The following UBAP2L variants were observed in gnomAD, a reference collection of about 807,000 sequenced individuals.
UBAP2L encodes ubiquitin-associated protein 2-like.
A neutral mutation model predicts 130.6 loss-of-function variants in UBAP2L; 12 were observed. The observed-to-expected ratio is 0.09, with a 90% CI of 0.06 to 0.15. UBAP2L has a LOEUF of 0.15. Ranked by LOEUF, UBAP2L falls within the 10% of genes least tolerant of loss-of-function variation. The probability of loss-of-function intolerance (pLI) is 1.00; values close to 1 mark genes in which losing one functional copy is unlikely to be tolerated. For missense variants in UBAP2L, 965 were observed against 1,332.5 expected, an observed-to-expected ratio of 0.72 and a Z score of 4.29; for synonymous variants, 503 against 524.7, an observed-to-expected ratio of 0.96 and a Z score of 0.57.
At chr1:154,249,163 C>A in intron 11 of UBAP2L, 76 bp from the exon 12 acceptor site, 1 of 1,441,222 alleles carries the variant, frequency 6.9e-7, no homozygotes, top group Non-Finnish European at 9.7e-7. Flanking sequence ...GGCTCTCGGT[C>A]TGGATAAGTG....
At chr1:154,242,588 C>A (rs567962977) in intron 9 of UBAP2L, among the ~76,000 whole-genome samples, 13 of 152,144 alleles carry the variant, frequency 8.5e-5, no homozygotes, top group Non-Finnish European at 1.6e-4. Context: ...AAAACTGAAA[C>A]CCAAATCAAC....
chr1:154,264,870 T>TA (rs1457770798), intron 24 of UBAP2L, among the ~76,000 whole-genome samples: 6 of 152,352 alleles, frequency 3.9e-5, no homozygotes, highest in East Asian at 3.9e-4. Flanking sequence ...CACATGAACT[T>TA]ACTAGCTTAA....
At chr1:154,259,149 A>G in intron 21 of UBAP2L, 119 bp downstream of exon 21, 1 of 888,386 alleles carries the variant, frequency 1.1e-6, no homozygotes. Context: ...CTCTGATTTA[A>G]GGCATATTAG....
intron 11 of UBAP2L, among the ~76,000 whole-genome samples, chr1:154,247,055 A>G (rs1675771558): frequency 6.6e-6 from 1 of 152,218 alleles, no homozygotes; most frequent in African/African-American, 2.4e-5. Context: ...TACAAGTACC[A>G]GTTTTCTCAT....
At chr1:154,250,530 G>A (rs1677216159) in intron 12 of UBAP2L, among the ~76,000 whole-genome samples, 2 of 152,100 alleles carry the variant, frequency 1.3e-5, no homozygotes, top group South Asian at 4.1e-4. Context: ...ACACAGACAG[G>A]GTAATGTTGA....
At chr1:154,259,898 T>TG in intron 21 of UBAP2L, 50 bp from the exon 22 acceptor site, 2 of 1,537,154 alleles carry the variant, frequency 1.3e-6, no homozygotes, top group Non-Finnish European at 1.8e-6. Context: ...GTACTCATGC[T>TG]GGGGAATGAG....
Position 154,251,068 on chromosome 1 carries a change from T to G in UBAP2L, c.1241T>G (p.Val414Gly). ...YDLKNPSDSAVHSPFTKRQAF... is the reference protein window; with the variant it reads ...YDLKNPSDSAGHSPFTKRQAF... ...TTGAAGAACCCAAGTGATTCAGCAGTGCACAGCCCCTTTACAAAGCGCCAG... is the reference window on the plus strand; with the variant it reads ...TTGAAGAACCCAAGTGATTCAGCAGGGCACAGCCCCTTTACAAAGCGCCAG... The change falls in exon 13 of 27, where the codon GTG becomes GGG. Residue 414 changes from valine to glycine, a missense_variant. This residue lies in a region of UBAP2L where 74 missense variants were observed against 97.1 expected (regional missense o/e 0.76). Transcript: ENST00000428931. 2 of 1,613,494 alleles carry G rather than the reference T, an allele frequency of 1.2e-6. No individual in the cohort carries two copies. Among genetic ancestry groups the G allele is most frequent in the Non-Finnish European group, 1.7e-6 (2 of 1,179,572 alleles).
At chr1:154,231,048 T>A (rs987737548) in intron 4 of UBAP2L, among the ~76,000 whole-genome samples, 2 of 152,208 alleles carry the variant, frequency 1.3e-5, no homozygotes, top group African/African-American at 4.8e-5. Flanking sequence ...GAGCATAAAA[T>A]GACCCACTAA....
rs768768592 is a variant in UBAP2L, at chr1:154,246,252, T to C, written c.891T>C (p.Asn297=). ...LLGKTPSTME[N]DSSNLDPSQA... is the part of the protein sequence containing the mutation. The stretch of plus-strand genomic sequence containing the variant: ...GGAAGACACCATCTACAATGGAGAA[T>C]GATTCATCTAATCTGGATCCGTCTC... Residue 297 remains asparagine (N), a synonymous_variant, in exon 11 of 27, where the codon AAT becomes AAC. Transcript: ENST00000428931. 6.2e-7 allele frequency: 1 copy of C among 1,613,776 alleles called. No individual in the cohort carries two copies. Among genetic ancestry groups the C allele is most frequent in the Admixed American group, 1.7e-5 (1 of 60,010 alleles).
chr1:154,232,196 G>A (rs1001570135), intron 4 of UBAP2L, among the ~76,000 whole-genome samples: 13 of 152,098 alleles, frequency 8.5e-5, no homozygotes, highest in South Asian at 2.1e-4. Flanking sequence ...GCCTGGTGGT[G>A]CCCTGTAGTC....
rs1679942226 is a variant in UBAP2L, at chr1:154,257,130, C to T, written c.2225C>T (p.Thr742Ile). The T allele has an allele frequency of 3.1e-6, 5 of 1,614,188 alleles. No individual in the cohort carries two copies. The highest frequency in any genetic ancestry group is 8.5e-7 in the Non-Finnish European group (1 of 1,180,038). The change falls in exon 19 of 27, where the codon ACA (threonine) becomes ATA (isoleucine). Residue 742 changes from threonine (T) to isoleucine (I), a missense_variant. Coordinates refer to ENST00000428931, the MANE Select transcript of UBAP2L (RefSeq NM_014847.4). The stretch of plus-strand genomic sequence containing the variant: ...AGCACTTTTTCCACCACATCCAGCA[C>T]AGTCTCTGCACCTCCCCCAGTGGTC... ...SSSTFSTTSS[T>I]VSAPPPVVSV... is the part of the protein sequence containing the mutation.
Position 154,228,735 on chromosome 1 carries a change from T to A in UBAP2L, c.279+10T>A, listed in dbSNP as rs779039532. On this transcript the variant is annotated intron_variant, in intron 4 of 26. Coordinates refer to ENST00000428931, the MANE Select transcript of UBAP2L (RefSeq NM_014847.4). ...AGGAAACCCAGACACGGTAGAGTGC[T>A]TATAGAGTGTTCTAGGACATGGGTC... 2.5e-6 allele frequency: 4 copies of A among 1,599,734 alleles called. No individual in the cohort carries two copies. Among genetic ancestry groups the A allele is most frequent in the Non-Finnish European group, 3.4e-6 (4 of 1,172,540 alleles).
chr1:154,266,398 T>G lies in UBAP2L; in HGVS notation c.2903-103T>G. 4 of 1,253,850 alleles carry G rather than the reference T, an allele frequency of 3.2e-6. No homozygotes were observed. The Middle Eastern group carries it at 5.7e-4, about 177-fold the overall frequency. 77.7% of individuals were successfully genotyped at this position (1,253,850 alleles called of 1,614,324 possible). ...GCTGGAAAACCGACCAAAATTCCCT[T>G]GCATTGGTATAGCTAGAAAGGCTAC... On this transcript the variant is annotated intron_variant, in intron 24 of 26. Coordinates refer to ENST00000428931, the MANE Select transcript of UBAP2L (RefSeq NM_014847.4).
At chr1:154,220,378 C>G, upstream of UBAP2L, 1 of 1,614,234 alleles carries the variant, frequency 6.2e-7, no homozygotes, top group Non-Finnish European at 8.5e-7. Context: ...CGACATTCAC[C>G]CCGGAGAGCC....
chr1:154,248,545 G>C (rs183192073), intron 11 of UBAP2L, among the ~76,000 whole-genome samples: 1 of 152,094 alleles, frequency 6.6e-6, no homozygotes, highest in African/African-American at 2.4e-5. Flanking sequence ...GGCTGGGTGT[G>C]ATGGCTCACG....
At chr1:154,247,159 T>C (rs1450300527) in intron 11 of UBAP2L, among the ~76,000 whole-genome samples, 2 of 152,226 alleles carry the variant, frequency 1.3e-5, no homozygotes, top group African/African-American at 4.8e-5. Context: ...AAGCAGACCA[T>C]GTGTGTGCAT....
chr1:154,246,514 A>G, intron 11 of UBAP2L, 139 bp downstream of exon 11: 1 of 944,086 alleles, frequency 1.1e-6, no homozygotes, highest in Non-Finnish European at 1.5e-6. Context: ...GGTTGTAGAA[A>G]TGTTTGAGTT....
In UBAP2L at chr1:154,254,000, G is replaced by A. The variant is rs1678780643; in HGVS notation, c.1765G>A (p.Gly589Ser). 1.3e-6 allele frequency: 2 copies of A among 1,597,636 alleles called. No homozygotes were observed. The highest frequency in any genetic ancestry group is 1.4e-5 in the African/African-American group (1 of 72,378). ...CTATACCTCCCAAAATAATGCTCAGGGCCCTCTTTATGAACAGAGATCCAC... is the reference window on the plus strand; with the variant it reads ...CTATACCTCCCAAAATAATGCTCAGAGCCCTCTTTATGAACAGAGATCCAC... Reference protein sequence around the residue: ...TTYTSQNNAQGPLYEQRSTQT... With the variant: ...TTYTSQNNAQSPLYEQRSTQT... The change falls in exon 15 of 27, where the codon GGC becomes AGC. Residue 589 changes from glycine (G) to serine (S), a missense_variant. Transcript: ENST00000428931.
chr1:154,250,629 G>A (rs886277898), intron 12 of UBAP2L, among the ~76,000 whole-genome samples: 3 of 152,154 alleles, frequency 2.0e-5, no homozygotes, highest in Admixed American at 1.3e-4. Context: ...CGAGGCGGAC[G>A]GATCACTTGA....
Sources: allele counts gnomAD v4.1 joint callset (sites outside exome capture counted in the v4.1 genomes callset), GRCh38; gene constraint gnomAD v4.1.1; regional missense constraint gnomAD v4.1.1; transcripts MANE v1.5; gene names NCBI Gene and HGNC (gene_info 2026-07-23, HGNC 2026-07-21).